Variants in ANKRD11 observed in about 807,000 individuals in gnomAD.
ANKRD11 encodes the protein ankyrin repeat domain-containing protein 11.
ANKRD11 carries 17 observed loss-of-function variants against 195.7 expected under a neutral mutation model. The ratio of observed to expected loss-of-function variants is 0.09; its 90% confidence interval spans 0.06 to 0.13. The LOEUF is 0.13. ANKRD11 is among the 10% of genes least tolerant of loss of function. ANKRD11 has a pLI of 1.00. For synonymous variants in ANKRD11, 1,953 were observed against 1,528.1 expected, an observed-to-expected ratio of 1.28 and a Z score of -6.49; for missense variants, 3,735 against 3,566.1, an observed-to-expected ratio of 1.05 and a Z score of -1.21.
intron 1 of ANKRD11, among the ~76,000 whole-genome samples, chr16:89,482,050 T>C (rs952603813): frequency 2.0e-5 from 3 of 152,206 alleles, no homozygotes; most frequent in Non-Finnish European, 4.4e-5. Context: ...TAAATGCATC[T>C]TTCTCCCAGA....
chr16:89,275,279 C>T, intron 9 of ANKRD11, 88 bp from the exon 10 acceptor site: 1 of 1,149,690 alleles, frequency 8.7e-7, no homozygotes. Context: ...GGTCCCGACT[C>T]AGCCTCCCCA....
intron 1 of ANKRD11, among the ~76,000 whole-genome samples, chr16:89,435,796 T>TCACACACACACACACACACACACA (rs58503159): frequency 7.0e-6 from 1 of 143,018 alleles, no homozygotes; most frequent in Non-Finnish European, 1.5e-5. Context: ...CACCAGCTCT[T>TCACACACACACACACACACACACA]CACACACACA....
At chr16:89,432,419 G>C (rs576611763) in intron 1 of ANKRD11, among the ~76,000 whole-genome samples, 36 of 152,222 alleles carry the variant, frequency 2.4e-4, no homozygotes, top group Non-Finnish European at 4.1e-4. Flanking sequence ...CCCGTGGCAT[G>C]CACTGTGTTG....
intron 3 of ANKRD11, among the ~76,000 whole-genome samples, chr16:89,316,486 T>C (rs1175067487): frequency 6.6e-6 from 1 of 152,244 alleles, no homozygotes; most frequent in Non-Finnish European, 1.5e-5. Context: ...GAATCAGCGT[T>C]AACCGCACAT....
chr16:89,427,698 C>G (rs1027524921), intron 1 of ANKRD11, among the ~76,000 whole-genome samples: 3 of 151,828 alleles, frequency 2.0e-5, no homozygotes, highest in African/African-American at 4.8e-5. Flanking sequence ...ACTTGGGAGG[C>G]TGAGGCAGGA....
At chr16:89,288,077 C>A (rs897616409) in intron 7 of ANKRD11, 2 of 568,544 alleles carry the variant, frequency 3.5e-6, no homozygotes, top group Non-Finnish European at 6.2e-6. Context: ...CCTGGGCCGG[C>A]CACAATGGCC....
chr16:89,313,796 A>G (rs2036763967), intron 3 of ANKRD11, among the ~76,000 whole-genome samples: 1 of 152,162 alleles, frequency 6.6e-6, no homozygotes, highest in African/African-American at 2.4e-5. Flanking sequence ...GCGTCTTCCC[A>G]GGCATTCTAT....
chr16:89,357,406 G>A (rs983469966), intron 2 of ANKRD11, among the ~76,000 whole-genome samples: 7 of 152,070 alleles, frequency 4.6e-5, no homozygotes, highest in African/African-American at 1.2e-4. Context: ...AGGAATCCTC[G>A]TGCATTGCTG....
chr16:89,446,244 C>G (rs917322599), intron 1 of ANKRD11, among the ~76,000 whole-genome samples: 2 of 152,024 alleles, frequency 1.3e-5, no homozygotes, highest in Non-Finnish European at 2.9e-5. Context: ...AACAAGAAAA[C>G]AGCTTCTAAT....
intron 1 of ANKRD11, among the ~76,000 whole-genome samples, chr16:89,438,568 G>A (rs1397766982): frequency 6.6e-6 from 1 of 152,058 alleles, no homozygotes; most frequent in East Asian, 1.9e-4. Flanking sequence ...TATGACTTCA[G>A]GTGATCCACC....
chr16:89,450,003 G>A (rs1433396095), intron 1 of ANKRD11, among the ~76,000 whole-genome samples: 2 of 152,182 alleles, frequency 1.3e-5, no homozygotes, highest in Admixed American at 6.5e-5. Flanking sequence ...GCACTGGGGA[G>A]CACTTTATCT....
chr16:89,301,158 G>A (rs1331656710), intron 4 of ANKRD11, among the ~76,000 whole-genome samples: 1 of 152,170 alleles, frequency 6.6e-6, no homozygotes, highest in Non-Finnish European at 1.5e-5. Flanking sequence ...CCAGGCTGGA[G>A]GGCAGTGGCG....
At chr16:89,360,410 A>G (rs1411080919) in intron 2 of ANKRD11, 1 of 152,166 alleles carries the variant, frequency 6.6e-6, no homozygotes, top group Non-Finnish European at 1.5e-5. Context: ...CATCTTCATC[A>G]CTTGATAAAC....
intron 2 of ANKRD11, among the ~76,000 whole-genome samples, chr16:89,351,949 C>T (rs1393992320): frequency 2.0e-5 from 3 of 152,192 alleles, no homozygotes; most frequent in Non-Finnish European, 4.4e-5. Flanking sequence ...CTCACTCTGT[C>T]GCCCAGGATG....
chr16:89,331,440 A>T (rs2038062030), intron 2 of ANKRD11, among the ~76,000 whole-genome samples: 1 of 152,186 alleles, frequency 6.6e-6, no homozygotes, highest in Non-Finnish European at 1.5e-5. Context: ...CAAAGGGAGA[A>T]TTTACAGATT....
In ANKRD11 at chr16:89,279,677, C is replaced by A. The variant is rs1282116476; in HGVS notation, c.6865G>T (p.Gly2289Cys). ...VAQAQAADGAGPEDDTEASRA... is the reference protein window; with the variant it reads ...VAQAQAADGACPEDDTEASRA... ...GAGGCCTCAGTGTCGTCCTCGGGGC[C>A]GGCACCGTCTGCGGCCTGAGCTTGT... Residue 2289 changes from glycine (G) to cysteine (C), a missense_variant, in exon 9 of 13, where the codon GGC (glycine) becomes TGC (cysteine). By Grantham distance (159) the Gly-to-Cys change is radical. Coordinates refer to ENST00000301030, the MANE Select transcript of ANKRD11 (RefSeq NM_013275.6). This position sits in a 1 kb window ranked among gnomAD's most constrained non-coding sequence, Gnocchi z 5.6. 6.8e-7 allele frequency: 1 copy of A among 1,474,870 alleles called. No homozygotes were observed. The highest frequency in any genetic ancestry group is 1.3e-5 in the South Asian group (1 of 74,720). 91.4% of individuals were successfully genotyped at this position (1,474,870 alleles called of 1,614,324 possible). A position where few individuals can be genotyped will look rare whatever the true frequency, so the allele number is the denominator to read the frequency against.
intron 2 of ANKRD11, among the ~76,000 whole-genome samples, chr16:89,381,354 A>AAAAAAAAAAAG (rs1555560066): frequency 5.6e-5 from 7 of 125,340 alleles, no homozygotes; most frequent in African/African-American, 2.3e-4. Flanking sequence ...AAAAAAAAAA[A>AAAAAAAAAAAG]GGGGTGAGAA....
intron 4 of ANKRD11, among the ~76,000 whole-genome samples, chr16:89,303,090 G>C (rs1415809135): frequency 6.6e-6 from 1 of 152,188 alleles, no homozygotes; most frequent in Admixed American, 6.5e-5. Context: ...CAGCCAGATG[G>C]GGTGGGCACC....
At chr16:89,308,310 C>T (rs893334883) in intron 3 of ANKRD11, among the ~76,000 whole-genome samples, 2 of 152,240 alleles carry the variant, frequency 1.3e-5, no homozygotes, top group Admixed American at 1.3e-4. Context: ...CTCATGTCAA[C>T]AGCTACAGAA....
Sources: allele counts gnomAD v4.1 joint callset (sites outside exome capture counted in the v4.1 genomes callset), GRCh38; gene constraint gnomAD v4.1.1; non-coding constraint Gnocchi (gnomAD v3.1); transcripts MANE v1.5; gene names NCBI Gene and HGNC (gene_info 2026-07-23, HGNC 2026-07-21).